Variants in UBE2G1 observed in about 807,000 individuals in gnomAD.
UBE2G1 encodes the protein ubiquitin-conjugating enzyme E2 G1.
Under a neutral mutation model 22.7 loss-of-function variants are expected in UBE2G1, and 5 were observed. The ratio of observed to expected loss-of-function variants is 0.22; its 90% CI spans 0.12 to 0.46. The LOEUF (loss-of-function observed/expected upper bound fraction) is 0.46, where lower values mean the gene tolerates loss of function less well. Among genes scored for constraint, UBE2G1 ranks in the 20% least tolerant of loss-of-function variants. The pLI is 0.99. For synonymous variants in UBE2G1, 74 were observed against 67.5 expected, an observed-to-expected ratio of 1.10 and a Z score of -0.47; for missense variants, 88 against 203.9, an observed-to-expected ratio of 0.43 and a Z score of 3.46.
intron 4 of UBE2G1, among the ~76,000 whole-genome samples, chr17:4,288,949 A>C (rs1327818541): frequency 6.6e-6 from 1 of 152,108 alleles, no homozygotes; most frequent in Non-Finnish European, 1.5e-5. Context: ...CCAAGGCTGG[A>C]GGACCACTTG....
intron 1 of UBE2G1, among the ~76,000 whole-genome samples, chr17:4,320,642 A>G (rs564710992): frequency 6.6e-6 from 1 of 152,346 alleles, no homozygotes; most frequent in African/African-American, 2.4e-5. Flanking sequence ...ATTATGAAAA[A>G]AGGCCATGTA....
At chr17:4,354,499 A>C (rs1025057296) in intron 1 of UBE2G1, among the ~76,000 whole-genome samples, 2 of 152,198 alleles carry the variant, frequency 1.3e-5, no homozygotes, top group Non-Finnish European at 2.9e-5. Context: ...AGATTCTCAA[A>C]GGAAACTAAG....
intron 3 of UBE2G1, among the ~76,000 whole-genome samples, chr17:4,294,437 AAAAGAAAGAAACG>A (rs1567516879): frequency 1.4e-5 from 1 of 71,316 alleles, no homozygotes; most frequent in African/African-American, 5.8e-5. Context: ...AAAAAAAAAA[AAAAGAAAGAAACG>A]AAAAGAAAAG....
rs1197538979 is a variant in UBE2G1, at chr17:4,270,447, G to C, written c.*2107C>G. ...ACCTGTAGTCCTAGCTACTCAGGAG[G>C]CTGAGGCAGGAGGATCACTTGAGCC... On this transcript the variant is annotated 3_prime_UTR_variant, in exon 6 of 6. Coordinates refer to ENST00000396981, the MANE Select transcript of UBE2G1 (RefSeq NM_003342.5). The C allele has an allele frequency of 1.3e-5, 2 of 152,066 alleles. No homozygotes were observed. The highest frequency in any genetic ancestry group is 4.8e-5 in the African/African-American group (2 of 41,316). The allele number at this position is 152,066 out of a possible 1,614,324, so 9.4% of individuals were successfully genotyped here. A position where few individuals can be genotyped will look rare whatever the true frequency, so the allele number is the denominator to read the frequency against.
intron 1 of UBE2G1, among the ~76,000 whole-genome samples, chr17:4,354,895 T>A (rs1161015022): frequency 1.3e-5 from 2 of 151,538 alleles, no homozygotes; most frequent in Middle Eastern, 3.4e-3. Context: ...CATCATCACA[T>A]CCCTGCACTC....
intron 1 of UBE2G1, among the ~76,000 whole-genome samples, chr17:4,355,709 T>A (rs1489391956): frequency 6.6e-6 from 1 of 150,588 alleles, no homozygotes; most frequent in African/African-American, 2.4e-5. Flanking sequence ...AGCCATTCTT[T>A]TTTTTTTTTT....
At chr17:4,305,733 G>C (rs1969242452) in intron 2 of UBE2G1, among the ~76,000 whole-genome samples, 1 of 152,076 alleles carries the variant, frequency 6.6e-6, no homozygotes, top group Non-Finnish European at 1.5e-5. Context: ...GTAGAGACAG[G>C]GTTTCACCAT....
intron 1 of UBE2G1, among the ~76,000 whole-genome samples, chr17:4,312,695 CAAAA>C (rs58462791): frequency 1.4e-3 from 110 of 76,888 alleles, no homozygotes; most frequent in African/African-American, 3.3e-3. Flanking sequence ...GACTCCATCT[CAAAA>C]AAAAAAAAAA....
At chr17:4,321,093 T>C (rs1025146611) in intron 1 of UBE2G1, among the ~76,000 whole-genome samples, 6 of 152,086 alleles carry the variant, frequency 3.9e-5, no homozygotes, top group Admixed American at 2.6e-4. Flanking sequence ...GAGGCTGCAG[T>C]GAGCTATGAT....
intron 1 of UBE2G1, among the ~76,000 whole-genome samples, chr17:4,348,397 C>CA (rs538281145): frequency 8.0e-4 from 119 of 148,934 alleles, no homozygotes; most frequent in Non-Finnish European, 2.1e-4. Flanking sequence ...ACTAAAAATA[C>CA]AAAAAATTAG....
intron 2 of UBE2G1, chr17:4,301,680 G>T (rs1969181817): frequency 4.1e-6 from 3 of 729,682 alleles, no homozygotes; most frequent in South Asian, 2.7e-5. Flanking sequence ...GTTCTGGGTG[G>T]AATATTTAAT....
intron 5 of UBE2G1, among the ~76,000 whole-genome samples, chr17:4,280,341 T>G (rs1455880241): frequency 7.6e-5 from 4 of 52,396 alleles, no homozygotes; most frequent in Admixed American, 7.1e-4. Flanking sequence ...CTGGGCTTTT[T>G]TTTTTTTTTT....
In UBE2G1 at chr17:4,309,466, G is replaced by T. The variant is rs530340571; in HGVS notation, c.47-2343C>A. Reference sequence around the variant, plus strand: ...AAAATACTTTTTAAAGATATTGAAAGTGCAAACACATTAAGAAGGGAACAG... The same window carrying T: ...AAAATACTTTTTAAAGATATTGAAATTGCAAACACATTAAGAAGGGAACAG... On this transcript the variant is annotated intron_variant, in intron 1 of 5. Transcript: ENST00000396981. Among the ~76,000 whole-genome samples, 4 of 152,256 alleles carry T rather than the reference G, an allele frequency of 2.6e-5. No homozygotes were observed. In the South Asian group the frequency reaches 8.3e-4, roughly 32 times the overall value.
intron 1 of UBE2G1, among the ~76,000 whole-genome samples, chr17:4,311,383 T>C (rs1355533800): frequency 6.6e-6 from 1 of 152,228 alleles, no homozygotes; most frequent in East Asian, 1.9e-4. Flanking sequence ...TAGCATTTGC[T>C]GTAATAATCA....
chr17:4,288,827 A>T (rs898650267), intron 4 of UBE2G1, among the ~76,000 whole-genome samples: 5 of 152,176 alleles, frequency 3.3e-5, no homozygotes, highest in African/African-American at 4.8e-5. Context: ...ATTAGCTCAA[A>T]TTAGCCATTC....
At chr17:4,341,350 G>A (rs1269281047) in intron 1 of UBE2G1, among the ~76,000 whole-genome samples, 4 of 152,018 alleles carry the variant, frequency 2.6e-5, no homozygotes, top group East Asian at 3.8e-4. Context: ...AATCTCTGCC[G>A]ATGTATTTAC....
chr17:4,361,959 CAAA>C (rs35792021), intron 1 of UBE2G1, among the ~76,000 whole-genome samples: 2 of 69,094 alleles, frequency 2.9e-5, no homozygotes, highest in Non-Finnish European at 2.9e-5. Context: ...AAGACTGTCT[CAAA>C]AAAAAAAAAA....
intron 2 of UBE2G1, chr17:4,301,343 C>G (rs1164737641): frequency 1.3e-5 from 6 of 472,024 alleles, no homozygotes; most frequent in Non-Finnish European, 2.4e-5. Context: ...CTCCCACGGG[C>G]GCAATGGAGG....
At chr17:4,364,682 C>G (rs1321763634) in intron 1 of UBE2G1, among the ~76,000 whole-genome samples, 2 of 151,856 alleles carry the variant, frequency 1.3e-5, no homozygotes, top group African/African-American at 4.8e-5. Flanking sequence ...CGCGTTCAAG[C>G]AATTCTCCCG....
Sources: allele counts gnomAD v4.1 joint callset (sites outside exome capture counted in the v4.1 genomes callset), GRCh38; gene constraint gnomAD v4.1.1; transcripts MANE v1.5; gene names NCBI Gene and HGNC (gene_info 2026-07-23, HGNC 2026-07-21).